The following SPMAP2L variants were observed in gnomAD, a reference collection of about 807,000 sequenced individuals.
The protein encoded by SPMAP2L is sperm microtubule associated protein 2 like, also known as sperm microtubule associated protein 2-like.
At chr4:56,554,283 C>T in the SPMAP2L span, among the ~76,000 whole-genome samples, 2 of 152,172 alleles carry the variant, frequency 1.3e-5, no homozygotes, top group South Asian at 4.2e-4. Flanking sequence ...GATGACTGTA[C>T]CATTTTGCAT....
the SPMAP2L span, among the ~76,000 whole-genome samples, chr4:56,613,672 C>T: frequency 1.3e-5 from 2 of 152,184 alleles, no homozygotes; most frequent in East Asian, 1.9e-4. Flanking sequence ...AAAACATGGC[C>T]TGAGTCAGGC....
chr4:56,530,754 T>C, the SPMAP2L span: 1 of 1,535,306 alleles, frequency 6.5e-7, no homozygotes, highest in African/African-American at 1.4e-5. Context: ...AAATATCCAC[T>C]TGCTCCGAAG....
chr4:56,578,935 A>G, the SPMAP2L span, among the ~76,000 whole-genome samples: 3 of 152,044 alleles, frequency 2.0e-5, no homozygotes. Context: ...AAAGTAAGAA[A>G]GAAAGGAAAG....
chr4:56,530,812 C>G, the SPMAP2L span: 4 of 1,535,390 alleles, frequency 2.6e-6, no homozygotes, highest in Admixed American at 3.9e-5. Context: ...TCACAGAGAG[C>G]TTGAGGAGTC....
At chr4:56,593,181 G>C in the SPMAP2L span, 1 of 1,533,740 alleles carries the variant, frequency 6.5e-7, no homozygotes, top group Non-Finnish European at 9.0e-7. Context: ...AGGCTGGAGA[G>C]TTTACTCAAC....
At chr4:56,533,242 T>C in the SPMAP2L span, among the ~76,000 whole-genome samples, 1 of 152,328 alleles carries the variant, frequency 6.6e-6, no homozygotes, top group East Asian at 1.9e-4. Flanking sequence ...TCAAGTGGGC[T>C]CTCAGTGCTG....
the SPMAP2L span, among the ~76,000 whole-genome samples, chr4:56,587,112 T>C: frequency 6.6e-6 from 1 of 152,210 alleles, no homozygotes; most frequent in African/African-American, 2.4e-5. Context: ...CAGGAGTTTT[T>C]AACAATTAAT....
the SPMAP2L span, among the ~76,000 whole-genome samples, chr4:56,572,352 A>G: frequency 2.0e-5 from 3 of 152,226 alleles, no homozygotes; most frequent in Non-Finnish European, 4.4e-5. Flanking sequence ...ACAATCCAGT[A>G]TAATTGTTGT....
At chr4:56,579,992 C>G in the SPMAP2L span, among the ~76,000 whole-genome samples, 1 of 152,204 alleles carries the variant, frequency 6.6e-6, no homozygotes, top group African/African-American at 2.4e-5. Flanking sequence ...TTAGTGAATT[C>G]CATGAAATAT....
At chr4:56,570,396 AG>A in the SPMAP2L span, among the ~76,000 whole-genome samples, 1 of 152,238 alleles carries the variant, frequency 6.6e-6, no homozygotes, top group Non-Finnish European at 1.5e-5. Flanking sequence ...TAGATGGTAT[AG>A]CCTACTACAC....
the SPMAP2L span, among the ~76,000 whole-genome samples, chr4:56,556,673 G>T: frequency 6.6e-6 from 1 of 152,186 alleles, no homozygotes; most frequent in South Asian, 2.1e-4. Flanking sequence ...AAGAGTTCGA[G>T]ACAGCCTGGC....
the SPMAP2L span, among the ~76,000 whole-genome samples, chr4:56,565,598 A>G: frequency 7.1e-3 from 1,077 of 152,354 alleles, 18 homozygotes; most frequent in African/African-American, 0.025. Flanking sequence ...ATGAAAGTTA[A>G]TAAAATGGTT....
At chr4:56,592,885 A>G in the SPMAP2L span, 3 of 1,608,896 alleles carry the variant, frequency 1.9e-6, no homozygotes, top group East Asian at 4.5e-5. Flanking sequence ...AAGACCAGAG[A>G]GAGATGCTGC....
the SPMAP2L span, among the ~76,000 whole-genome samples, chr4:56,581,279 A>G: frequency 6.6e-6 from 1 of 152,016 alleles, no homozygotes; most frequent in Non-Finnish European, 1.5e-5. Context: ...ACATGGTAAA[A>G]CCTCGTCTCT....
the SPMAP2L span, among the ~76,000 whole-genome samples, chr4:56,547,036 C>T: frequency 1.3e-5 from 2 of 152,230 alleles, no homozygotes; most frequent in African/African-American, 4.8e-5. Flanking sequence ...TCTCTCCATA[C>T]TGGCACCATG....
chr4:56,600,928 C>T, the SPMAP2L span: 4 of 1,532,800 alleles, frequency 2.6e-6, no homozygotes, highest in African/African-American at 5.5e-5. Context: ...TTTGTTTCCA[C>T]TATAGGTACC....
the SPMAP2L span, among the ~76,000 whole-genome samples, chr4:56,617,669 C>T: frequency 7.2e-5 from 11 of 152,140 alleles, no homozygotes; most frequent in South Asian, 2.1e-4. Flanking sequence ...ACAACATAGG[C>T]GGCTTGTGTT....
At chr4:56,608,522 G>A in the SPMAP2L span, among the ~76,000 whole-genome samples, 4 of 152,204 alleles carry the variant, frequency 2.6e-5, no homozygotes, top group Non-Finnish European at 5.9e-5. Flanking sequence ...CTTGAGGACA[G>A]AATGATTTCA....
At chr4:56,598,439 T>C in the SPMAP2L span, among the ~76,000 whole-genome samples, 40 of 152,242 alleles carry the variant, frequency 2.6e-4, no homozygotes, top group Non-Finnish European at 4.9e-4. Context: ...AATGTGGGTG[T>C]TGACATGTGC....
Sources: gnomAD v4.1 joint callset for allele counts (sites outside exome capture counted in the v4.1 genomes callset) on GRCh38, gnomAD v4.1.1 for gene constraint, MANE v1.5 for transcripts, NCBI Gene and HGNC (gene_info 2026-07-23, HGNC 2026-07-21) for gene names.